ATF2: variants seen among roughly 807,000 people sequenced by gnomAD.
The protein encoded by ATF2 is activating transcription factor 2.
Under a neutral mutation model 60.6 loss-of-function variants are expected in ATF2, and 24 were observed. The ratio of observed to expected loss-of-function variants is 0.40; its 90% CI spans 0.29 to 0.56. ATF2 has a LOEUF of 0.56. Among genes scored for constraint, ATF2 ranks in the 20% least tolerant of loss-of-function variants. The pLI is 0.54. For missense variants in ATF2, 433 were observed against 607.7 expected (o/e 0.71, Z 3.02); for synonymous variants, 206 against 215.4 (o/e 0.96, Z 0.38).
At chr2:175,091,654 G>C (rs1373081220) in intron 12 of ATF2, among the ~76,000 whole-genome samples, 2 of 152,130 alleles carry the variant, frequency 1.3e-5, no homozygotes, top group Non-Finnish European at 2.9e-5. Flanking sequence ...CCTGAGGTCA[G>C]GAGTTCGAGA....
At chr2:175,160,107 T>A (rs1699923903) in intron 1 of ATF2, among the ~76,000 whole-genome samples, 1 of 152,170 alleles carries the variant, frequency 6.6e-6, no homozygotes, top group African/African-American at 2.4e-5. Context: ...ACTACCGGCT[T>A]GGTGTGGTGG....
chr2:175,167,745 G>A (rs1288370367), intron 1 of ATF2: 1 of 473,542 alleles, frequency 2.1e-6, no homozygotes, highest in Admixed American at 2.3e-5. Context: ...GGTCTAAGAG[G>A]GAGCCGTTAT....
chr2:175,115,700 G>T (rs1171098247), intron 7 of ATF2, among the ~76,000 whole-genome samples: 2 of 152,148 alleles, frequency 1.3e-5, no homozygotes, highest in African/African-American at 4.8e-5. Context: ...TATTCAGTAA[G>T]TTGAGAACTT....
chr2:175,096,010 A>T lies in ATF2; in HGVS notation c.978+1434T>A, dbSNP rs537125986. 2.6e-5 allele frequency among the ~76,000 whole-genome samples: 4 copies of T among 152,344 alleles called. No individual in the cohort carries two copies. The East Asian group carries it at 7.7e-4, about 29-fold the overall frequency. On this transcript the variant is annotated intron_variant, in intron 11 of 13. Transcript: ENST00000264110. ...CCTAAGTAAAGTTGGTTAGTGGATGACAACCACAACTACATTTCATTATAT... is the reference window on the plus strand; with the variant it reads ...CCTAAGTAAAGTTGGTTAGTGGATGTCAACCACAACTACATTTCATTATAT...
chr2:175,106,092 A>C (rs1695643087), intron 10 of ATF2, among the ~76,000 whole-genome samples: 1 of 152,236 alleles, frequency 6.6e-6, no homozygotes, highest in Non-Finnish European at 1.5e-5. Context: ...AAGTAGGAGA[A>C]AACAAATATT....
chr2:175,159,767 T>C (rs1475015891), intron 1 of ATF2, among the ~76,000 whole-genome samples: 1 of 152,278 alleles, frequency 6.6e-6, no homozygotes, highest in Non-Finnish European at 1.5e-5. Flanking sequence ...AAAATTATAA[T>C]AGAATAACAA....
chr2:175,130,131 A>G lies in ATF2; in HGVS notation c.102+7T>C. On this transcript the variant is annotated splice_region_variant and intron_variant, in intron 4 of 13. Transcript: ENST00000264110. ...TACAAAATAATTTAAAGTAATTTATATATTACCTGGCCACATCCAGGCGCA... is the reference window on the plus strand; with the variant it reads ...TACAAAATAATTTAAAGTAATTTATGTATTACCTGGCCACATCCAGGCGCA... 1 of 1,563,252 alleles carries G rather than the reference A, an allele frequency of 6.4e-7. No individual in the cohort carries two copies.
intron 13 of ATF2, among the ~76,000 whole-genome samples, chr2:175,075,472 T>C (rs1693229248): frequency 6.6e-6 from 1 of 152,136 alleles, no homozygotes; most frequent in Admixed American, 6.6e-5. Context: ...TATAAAACTC[T>C]AAACATTGCA....
At position 175,114,108 on chromosome 2, in the gene ATF2, G is replaced by T. The variant is rs760017862; in HGVS notation, c.627C>A (p.Val209=). 6.3e-7 allele frequency: 1 copy of T among 1,576,174 alleles called. No homozygotes were observed. Among genetic ancestry groups the T allele is most frequent in the East Asian group, 2.2e-5 (1 of 44,458 alleles). ...GAAGAGGAAATGGGCCTGGTACAGG[G>T]CTAAGAAAAACAAAAGAAGAGAAAT... ...TQAPSSNRPI[V]PVPGPFPLLL... Residue 209 remains valine, a splice_region_variant and synonymous_variant, in exon 9 of 14, where the codon GTC becomes GTA. Coordinates refer to ENST00000264110, the MANE Select transcript of ATF2 (RefSeq NM_001880.4).
intron 2 of ATF2, among the ~76,000 whole-genome samples, chr2:175,141,532 G>C (rs1380610031): frequency 6.6e-6 from 1 of 151,462 alleles, no homozygotes; most frequent in Non-Finnish European, 1.5e-5. Context: ...TCGCTCTGTC[G>C]TCCAGGCTGG....
intron 2 of ATF2, among the ~76,000 whole-genome samples, chr2:175,141,564 T>C (rs1698538294): frequency 6.6e-6 from 1 of 151,912 alleles, no homozygotes; most frequent in African/African-American, 2.4e-5. Context: ...GCAATCTCGG[T>C]TCACTGTAAG....
intron 2 of ATF2, among the ~76,000 whole-genome samples, chr2:175,141,037 ATATATATATATATATG>A (rs964210821): frequency 5.6e-5 from 7 of 125,244 alleles, no homozygotes; most frequent in African/African-American, 1.2e-4. Context: ...AAAAATATAT[ATATATATATATATATG>A]TATATATATA....
rs1474284665 is a variant in ATF2, at chr2:175,093,051, T to C, written c.1185+10A>G. 4.3e-6 allele frequency: 7 copies of C among 1,612,868 alleles called. No individual in the cohort carries two copies. The highest frequency in any genetic ancestry group is 1.3e-5 in the African/African-American group (1 of 74,744). On this transcript the variant is annotated intron_variant, in intron 12 of 13. Coordinates refer to ENST00000264110, the MANE Select transcript of ATF2 (RefSeq NM_001880.4). ...AGAAATAAAACAAAATTCACATATA[T>C]GCACCATACCTGCAGCTGACCATTT... is the stretch of plus-strand genomic sequence containing the variant.
Position 175,114,295 on chromosome 2 carries a change from T to C in ATF2, c.627-187A>G, listed in dbSNP as rs1167341897. ...TAAATGCATAACCTGTGTAGCAGTA[T>C]TGAAAAGAAGAGAAAAGTTATGGAT... On this transcript the variant is annotated intron_variant, in intron 8 of 13. Coordinates refer to ENST00000264110, the MANE Select transcript of ATF2 (RefSeq NM_001880.4). 9 of 1,323,574 alleles carry C rather than the reference T, an allele frequency of 6.8e-6. No homozygotes were observed. The Admixed American group carries it at 1.1e-4, about 17-fold the overall frequency. The allele number at this position is 1,323,574 out of a possible 1,614,324, so 82.0% of individuals were successfully genotyped here. A position where few individuals can be genotyped will look rare whatever the true frequency, so the allele number is the denominator to read the frequency against.
intron 11 of ATF2, among the ~76,000 whole-genome samples, chr2:175,096,967 T>A (rs947593545): frequency 9.2e-5 from 14 of 152,328 alleles, no homozygotes; most frequent in Admixed American, 9.1e-4. Flanking sequence ...CTAGTGTTAA[T>A]AGTTACAGTT....
At chr2:175,137,949 TCTAAAGC>T (rs1698248820) in intron 2 of ATF2, among the ~76,000 whole-genome samples, 1 of 152,188 alleles carries the variant, frequency 6.6e-6, no homozygotes, top group Non-Finnish European at 1.5e-5. Context: ...TCTAACTGAA[TCTAAAGC>T]CTATAAATCC....
intron 12 of ATF2, chr2:175,092,308 G>C: frequency 6.4e-6 from 1 of 157,034 alleles, no homozygotes; most frequent in Non-Finnish European, 1.4e-5. Context: ...ACTAATAACT[G>C]CAATTCATTA....
chr2:175,111,746 G>T, intron 9 of ATF2, 92 bp from the exon 10 acceptor site: 2 of 1,085,572 alleles, frequency 1.8e-6, no homozygotes, highest in East Asian at 2.6e-5. Context: ...GAGACTTTAA[G>T]AATCAGAACA....
intron 4 of ATF2, among the ~76,000 whole-genome samples, chr2:175,122,505 G>A (rs1252802490): frequency 6.6e-6 from 1 of 151,960 alleles, no homozygotes; most frequent in African/African-American, 2.4e-5. Flanking sequence ...TCCATTTCTT[G>A]TGGTCTCCTT....
Sources: allele counts gnomAD v4.1 joint callset (sites outside exome capture counted in the v4.1 genomes callset), GRCh38; gene constraint gnomAD v4.1.1; transcripts MANE v1.5; gene names NCBI Gene and HGNC (gene_info 2026-07-23, HGNC 2026-07-21).